The following PCNX1 variants were observed in gnomAD, a reference collection of about 807,000 sequenced individuals.
PCNX1 encodes the protein pecanex-like protein 1.
In PCNX1, 78 loss-of-function variants were observed where a neutral mutation model predicts 242.2. That is an observed-to-expected ratio of 0.32 (90% CI 0.27 to 0.39). The LOEUF is 0.39. Ranked by LOEUF, PCNX1 falls within the 10% of genes least tolerant of loss-of-function variation. PCNX1 has a pLI of 1.00. For missense variants in PCNX1, 2,581 were observed against 2,856.5 expected, an observed-to-expected ratio of 0.90 and a Z score of 2.20; for synonymous variants, 1,024 against 1,032.9, an observed-to-expected ratio of 0.99 and a Z score of 0.17.
chr14:71,079,251 G>A (rs2141508042), intron 28 of PCNX1, among the ~76,000 whole-genome samples: 1 of 152,260 alleles, frequency 6.6e-6, no homozygotes, highest in South Asian at 2.1e-4. Flanking sequence ...ATCACTGATG[G>A]GCATTTGGAT....
intron 1 of PCNX1, among the ~76,000 whole-genome samples, chr14:70,935,285 G>T (rs955366756): frequency 9.2e-5 from 14 of 152,174 alleles, no homozygotes; most frequent in African/African-American, 3.1e-4. Flanking sequence ...AGTGTCTCAT[G>T]CCTGTAATCC....
At chr14:71,083,273 C>T (rs750110547) in intron 28 of PCNX1, among the ~76,000 whole-genome samples, 26 of 152,162 alleles carry the variant, frequency 1.7e-4, no homozygotes, top group Non-Finnish European at 3.1e-4. Context: ...TTCTCTCTGG[C>T]TGCCCTTAAC....
At chr14:70,958,805 G>C (rs2058085620) in intron 2 of PCNX1, among the ~76,000 whole-genome samples, 1 of 149,812 alleles carries the variant, frequency 6.7e-6, no homozygotes, top group Non-Finnish European at 1.5e-5. Context: ...CTGGACAGTA[G>C]AGCCCACCCC....
chr14:70,991,192 T>C (rs1254613144), intron 7 of PCNX1, among the ~76,000 whole-genome samples: 1 of 150,508 alleles, frequency 6.6e-6, no homozygotes, highest in Non-Finnish European at 1.5e-5. Context: ...AATGAGGATG[T>C]TGTGTACTAC....
At chr14:70,994,396 G>GAGATATATATATAT (rs1555357307) in intron 7 of PCNX1, among the ~76,000 whole-genome samples, 1 of 96,972 alleles carries the variant, frequency 1.0e-5, no homozygotes, top group African/African-American at 3.8e-5. Flanking sequence ...ACAGGCTTAA[G>GAGATATATATATAT]ATATATATAT....
intron 1 of PCNX1, among the ~76,000 whole-genome samples, chr14:70,938,344 G>T (rs2057094645): frequency 1.3e-5 from 2 of 152,152 alleles, no homozygotes; most frequent in African/African-American, 4.8e-5. Context: ...AGCATGAAGT[G>T]TTGTTGAATT....
intron 2 of PCNX1, among the ~76,000 whole-genome samples, chr14:70,949,302 CATATGT>C (rs2057666804): frequency 2.7e-5 from 4 of 146,374 alleles, no homozygotes; most frequent in African/African-American, 7.8e-5. Flanking sequence ...TGTGTACACA[CATATGT>C]GTGTAGATAC....
chr14:71,061,257 A>T (rs1374877471), intron 26 of PCNX1, among the ~76,000 whole-genome samples: 1 of 152,206 alleles, frequency 6.6e-6, no homozygotes, highest in Non-Finnish European at 1.5e-5. Context: ...CTTCAAGCTT[A>T]TCACTAAGCA....
intron 12 of PCNX1, among the ~76,000 whole-genome samples, chr14:71,021,295 A>C (rs930792650): frequency 2.0e-5 from 3 of 152,132 alleles, no homozygotes; most frequent in Non-Finnish European, 2.9e-5. Context: ...TAATTCTGTA[A>C]GAAAGTCAGT....
chr14:70,961,257 T>C (rs958967150), intron 2 of PCNX1, among the ~76,000 whole-genome samples: 1 of 152,148 alleles, frequency 6.6e-6, no homozygotes, highest in African/African-American at 2.4e-5. Context: ...GCTACCTGAC[T>C]TCAAACTCTA....
In PCNX1 at chr14:70,988,675, C is replaced by T; in HGVS notation, c.2420C>T (p.Thr807Ile). ...GCAGGGAGTAACCCTACCCCTCCTA[C>T]ATTGCTCATCGGATCACCCCTAAGG... ...HNAGSNPTPP[T>I]LLIGSPLSLQ... The change falls in exon 7 of 36, where the codon ACA (threonine) becomes ATA (isoleucine). Residue 807 changes from threonine (T) to isoleucine (I), a missense_variant. Coordinates refer to ENST00000304743, the MANE Select transcript of PCNX1 (RefSeq NM_014982.3). The T allele has an allele frequency of 6.2e-7, 1 of 1,613,960 alleles. No individual in the cohort carries two copies. Among genetic ancestry groups the T allele is most frequent in the East Asian group, 2.2e-5 (1 of 44,880 alleles).
At chr14:70,964,749 G>A (rs767753586) in intron 3 of PCNX1, among the ~76,000 whole-genome samples, 1 of 152,162 alleles carries the variant, frequency 6.6e-6, no homozygotes, top group Non-Finnish European at 1.5e-5. Context: ...CTTTTTGACT[G>A]TGATTAAAGC....
intron 1 of PCNX1, among the ~76,000 whole-genome samples, chr14:70,921,432 C>T: frequency 6.6e-6 from 1 of 152,090 alleles, no homozygotes; most frequent in South Asian, 2.1e-4. Context: ...AGGTGTGAAC[C>T]AACATGCCAG....
intron 9 of PCNX1, among the ~76,000 whole-genome samples, chr14:71,010,334 A>G (rs1361430267): frequency 6.6e-6 from 1 of 152,094 alleles, no homozygotes; most frequent in African/African-American, 2.4e-5. Flanking sequence ...TTACATAACT[A>G]AGTTCAAACC....
intron 1 of PCNX1, among the ~76,000 whole-genome samples, chr14:70,934,525 T>TC (rs2056925510): frequency 2.0e-5 from 3 of 152,046 alleles, no homozygotes; most frequent in Admixed American, 6.6e-5. Flanking sequence ...CAATTGATCC[T>TC]CCCCCCTCAG....
chr14:70,992,578 G>A (rs1279544255), intron 7 of PCNX1, among the ~76,000 whole-genome samples: 3 of 152,130 alleles, frequency 2.0e-5, no homozygotes, highest in Admixed American at 1.3e-4. Flanking sequence ...TGTGTCAAGT[G>A]CCAATTAAGT....
chr14:71,113,543 C>G lies in PCNX1; in HGVS notation c.*3608C>G, dbSNP rs1429549308. 1 of 152,674 alleles carries G rather than the reference C, an allele frequency of 6.5e-6. No individual in the cohort carries two copies. Among genetic ancestry groups the G allele is most frequent in the Non-Finnish European group, 1.5e-5 (1 of 68,042 alleles). 9.5% of individuals were successfully genotyped at this position (152,674 alleles called of 1,614,324 possible). ...TAAATTCCTCTGTGCTTCTGAGCAG[C>G]ATCCTTCTGCCTCTGCTTAGCAGCT... On this transcript the variant is annotated 3_prime_UTR_variant, in exon 36 of 36. Transcript: ENST00000304743.
Position 70,978,124 on chromosome 14 carries a change from T to G in PCNX1, c.1787T>G (p.Phe596Cys), listed in dbSNP as rs749116180. The G allele has an allele frequency of 3.1e-6, 5 of 1,614,112 alleles. No individual in the cohort carries two copies. In the Admixed American group the frequency reaches 8.3e-5, roughly 27 times the overall value. Residue 596 changes from phenylalanine to cysteine, a missense_variant, in exon 6 of 36, where the codon TTT (phenylalanine) becomes TGT (cysteine). By Grantham distance (205) the Phe-to-Cys change is radical. Transcript: ENST00000304743. ...VSGTKPHSAI[F>C]CHDEDSSDQS... ...GGTACCAAGCCACACAGTGCTATATTTTGTCATGACGAAGACTCTAGTGAT... is the reference window on the plus strand; with the variant it reads ...GGTACCAAGCCACACAGTGCTATATGTTGTCATGACGAAGACTCTAGTGAT...
chr14:71,092,908 T>C (rs1010453998), intron 30 of PCNX1: 2 of 152,204 alleles, frequency 1.3e-5, no homozygotes, highest in African/African-American at 4.8e-5. Flanking sequence ...AGTCAGGAAG[T>C]ACCTTGCCAG....
Sources: gnomAD v4.1 joint callset for allele counts (sites outside exome capture counted in the v4.1 genomes callset) on GRCh38, gnomAD v4.1.1 for gene constraint, MANE v1.5 for transcripts, NCBI Gene and HGNC (gene_info 2026-07-23, HGNC 2026-07-21) for gene names.